KBTBD11: variants seen among roughly 807,000 people sequenced by gnomAD.
KBTBD11 encodes kelch repeat and BTB domain containing 11.
For synonymous variants in KBTBD11, 747 were observed against 499.0 expected, an observed-to-expected ratio of 1.50 and a Z score of -6.63; for missense variants, 1,390 against 1,001.8, an observed-to-expected ratio of 1.39 and a Z score of -5.23.
chr8:1,987,952 A>T (rs1816759244), intron 1 of KBTBD11, among the ~76,000 whole-genome samples: 1 of 151,868 alleles, frequency 6.6e-6, no homozygotes, highest in Non-Finnish European at 1.5e-5. Context: ...TTCATTGTTC[A>T]GTTCCCACCT....
At chr8:1,998,940 G>A (rs1817243491) in intron 1 of KBTBD11, among the ~76,000 whole-genome samples, 1 of 152,186 alleles carries the variant, frequency 6.6e-6, no homozygotes, top group Non-Finnish European at 1.5e-5. Context: ...CAGGATGGGG[G>A]CCTGGGGTGA....
chr8:1,999,880 G>A (rs974048646), intron 1 of KBTBD11, among the ~76,000 whole-genome samples: 4 of 152,190 alleles, frequency 2.6e-5, no homozygotes, highest in African/African-American at 9.7e-5. Context: ...ATCCAGTCAT[G>A]CTTTCTCACT....
intron 1 of KBTBD11, among the ~76,000 whole-genome samples, chr8:1,989,811 G>A (rs1453207329): frequency 6.6e-6 from 1 of 152,074 alleles, no homozygotes; most frequent in Non-Finnish European, 1.5e-5. Context: ...GACCACAGGG[G>A]CTGGAATCCA....
In KBTBD11 at chr8:1,993,556, C is replaced by CCCAT. The variant is rs1184041692; in HGVS notation, c.-908-6697_-908-6694dup. Among the ~76,000 whole-genome samples the CCCAT allele has an allele frequency of 5.0e-3, 367 of 73,528 alleles. 5 individuals are homozygous for CCCAT. The highest frequency in any genetic ancestry group is 0.019 in the South Asian group (27 of 1,424). The allele number at this position is 73,528 out of a possible 152,430, so 48.2% of individuals were successfully genotyped here. On this transcript the variant is annotated intron_variant, in intron 1 of 1. Coordinates refer to ENST00000320248, the MANE Select transcript of KBTBD11 (RefSeq NM_014867.3). ...ACCCACCCACCCACCCACCCACCCA[C>CCCAT]CCATCCATCCATCCATCCATCCATC...
chr8:2,001,351 C>T lies in KBTBD11; in HGVS notation c.159C>T (p.Ser53=). The stretch of plus-strand genomic sequence containing the variant: ...CCGGGGAAGAGTCCCCGCCGCAGTC[C>T]CTCGCCTCAGCGGCGGAAGGCGCGG... ...FSSGEESPPQ[S]LASAAEGAAT... is the part of the protein sequence containing the mutation. Residue 53 remains serine (S), a synonymous_variant, in exon 2 of 2, where the codon TCC becomes TCT. Transcript: ENST00000320248. 1.3e-6 allele frequency: 2 copies of T among 1,497,010 alleles called. No homozygotes were observed. The highest frequency in any genetic ancestry group is 1.8e-6 in the Non-Finnish European group (2 of 1,129,618). 92.7% of individuals were successfully genotyped at this position (1,497,010 alleles called of 1,614,324 possible). A position where few individuals can be genotyped will look rare whatever the true frequency, so the allele number is the denominator to read the frequency against.
chr8:1,985,111 C>T (rs906156615), intron 1 of KBTBD11, among the ~76,000 whole-genome samples: 1 of 152,184 alleles, frequency 6.6e-6, no homozygotes, highest in Non-Finnish European at 1.5e-5. Flanking sequence ...CTCCTGTTGC[C>T]GACAGCCAGT....
rs751996547 is a variant in KBTBD11, at chr8:2,004,095, A to G, written c.*1031A>G. On this transcript the variant is annotated 3_prime_UTR_variant, in exon 2 of 2. Coordinates refer to ENST00000320248, the MANE Select transcript of KBTBD11 (RefSeq NM_014867.3). ...CTGATGAGGGAGATTAATTTTTACA[A>G]TCAGTATTCTAAGTGTGGCCGAGTG... 6.0e-6 allele frequency: 1 copy of G among 166,936 alleles called. No individual in the cohort carries two copies. The highest frequency in any genetic ancestry group is 1.5e-5 in the Non-Finnish European group (1 of 68,128). The allele number at this position is 166,936 out of a possible 1,614,324, so 10.3% of individuals were successfully genotyped here.
At chr8:1,985,550 G>A (rs1049499375) in intron 1 of KBTBD11, among the ~76,000 whole-genome samples, 2 of 152,380 alleles carry the variant, frequency 1.3e-5, no homozygotes, top group South Asian at 4.1e-4. Context: ...TTACCAAGGT[G>A]GGATCCTTGT....
chr8:1,989,195 G>A (rs1287065034), intron 1 of KBTBD11, among the ~76,000 whole-genome samples: 1 of 152,176 alleles, frequency 6.6e-6, no homozygotes, highest in Non-Finnish European at 1.5e-5. Context: ...GGGCCACAGG[G>A]AAGGGCAGAT....
In KBTBD11 at chr8:2,006,131, A is replaced by G. The variant is rs922083673; in HGVS notation, c.*3067A>G. Reference sequence around the variant, plus strand: ...CTACTTAACTAAAACTCGTGACTGTATAAGTTTGGCTACAAATAAGTAAGA... The same window carrying G: ...CTACTTAACTAAAACTCGTGACTGTGTAAGTTTGGCTACAAATAAGTAAGA... On this transcript the variant is annotated 3_prime_UTR_variant, in exon 2 of 2. Transcript: ENST00000320248. The G allele has an allele frequency of 4.2e-5, 7 of 167,100 alleles. No homozygotes were observed. The East Asian group carries it at 9.6e-4, about 23-fold the overall frequency. The allele number at this position is 167,100 out of a possible 1,614,324, so 10.4% of individuals were successfully genotyped here.
Position 2,003,022 on chromosome 8 carries a change from C to G in KBTBD11, c.1830C>G (p.Ser610Arg), listed in dbSNP as rs541503848. 6 of 1,277,002 alleles carry G rather than the reference C, an allele frequency of 4.7e-6. No homozygotes were observed. In the South Asian group the frequency reaches 1.6e-4, roughly 33 times the overall value. 79.1% of individuals were successfully genotyped at this position (1,277,002 alleles called of 1,614,324 possible). Reference protein sequence around the residue: ...VRGVLIPFALSLPEKPPRGEQ... With the variant: ...VRGVLIPFALRLPEKPPRGEQ... ...GTGTGCTCATCCCGTTCGCTCTCAGCCTGCCTGAGAAGCCGCCCCGAGGGG... is the reference window on the plus strand; with the variant it reads ...GTGTGCTCATCCCGTTCGCTCTCAGGCTGCCTGAGAAGCCGCCCCGAGGGG... The change falls in exon 2 of 2, where the codon AGC becomes AGG. Residue 610 changes from serine to arginine, a missense_variant. Coordinates refer to ENST00000320248, the MANE Select transcript of KBTBD11 (RefSeq NM_014867.3).
Position 2,002,654 on chromosome 8 carries a change from A to G in KBTBD11, c.1462A>G (p.Ser488Gly). The G allele has an allele frequency of 6.3e-7, 1 of 1,576,410 alleles. No individual in the cohort carries two copies. The highest frequency in any genetic ancestry group is 1.1e-5 in the South Asian group (1 of 87,442). The change falls in exon 2 of 2, where the codon AGC becomes GGC. Residue 488 changes from serine to glycine, a missense_variant. Ser to Gly is a moderately conservative substitution (Grantham distance 56, BLOSUM62 0). Transcript: ENST00000320248. This position sits in a 1 kb window ranked among gnomAD's most constrained non-coding sequence, Gnocchi z 4.1. ...GTGGCAGGAGTGCCCGTGCAGCAGC[A>G]GCCGCGAGCGCTCGGCCGACATGGT... ...DEWQECPCSS[S>G]RERSADMVAL...
At chr8:1,994,010 G>C (rs1337498929) in intron 1 of KBTBD11, among the ~76,000 whole-genome samples, 3 of 151,614 alleles carry the variant, frequency 2.0e-5, no homozygotes, top group Non-Finnish European at 4.4e-5. Context: ...CCATGAGCTC[G>C]TGCAGTAGGA....
intron 1 of KBTBD11, among the ~76,000 whole-genome samples, chr8:1,995,356 G>A (rs970537002): frequency 1.3e-5 from 2 of 152,134 alleles, no homozygotes; most frequent in African/African-American, 4.8e-5. Context: ...GGACAGCACA[G>A]AACCTTGCTT....
chr8:2,002,146 C>A lies in KBTBD11; in HGVS notation c.954C>A (p.Asp318Glu). ...GCCGGCCTCAGAGCCCCTCGGGGGA[C>A]GCGGACGCGCGCGGGGACGCGGCCG... ...AGSRPQSPSG[D>E]ADARGDAAVY... Residue 318 changes from aspartate to glutamate, a missense_variant, in exon 2 of 2, where the codon GAC (aspartate) becomes GAA (glutamate). By Grantham distance (45) the Asp-to-Glu change is conservative (BLOSUM62 2). Coordinates refer to ENST00000320248, the MANE Select transcript of KBTBD11 (RefSeq NM_014867.3). The surrounding 1 kb of genome is among the most constrained non-coding windows in gnomAD (Gnocchi z 4.1). 8.5e-7 allele frequency: 1 copy of A among 1,174,638 alleles called. No homozygotes were observed. The allele number at this position is 1,174,638 out of a possible 1,614,324, so 72.8% of individuals were successfully genotyped here.
Position 2,001,632 on chromosome 8 carries a change from C to A in KBTBD11, c.440C>A (p.Ser147Ter), listed in dbSNP as rs955676361. ...GAGCCGGACCTGGTGCTGGAGGTGT[C>A]GGGGCGCCGGCTGCGCGCGCACAAG... ...YGEPDLVLEV[S>*]GRRLRAHKAV... The change falls in exon 2 of 2, where the codon TCG (serine) becomes TAG (stop). Residue 147 changes from serine (S) to a stop codon, truncating the protein, a stop_gained. Transcript: ENST00000320248. LOFTEE classifies it low-confidence loss of function (END_TRUNC). 1.4e-6 allele frequency: 2 copies of A among 1,478,864 alleles called. No individual in the cohort carries two copies. Among genetic ancestry groups the A allele is most frequent in the Non-Finnish European group, 1.8e-6 (2 of 1,120,316 alleles). 91.6% of individuals were successfully genotyped at this position (1,478,864 alleles called of 1,614,324 possible). A position where few individuals can be genotyped will look rare whatever the true frequency, so the allele number is the denominator to read the frequency against.
intron 1 of KBTBD11, among the ~76,000 whole-genome samples, chr8:1,983,432 G>A (rs1400044691): frequency 2.0e-5 from 3 of 152,196 alleles, no homozygotes; most frequent in Admixed American, 6.5e-5. Flanking sequence ...CCACCGCTCC[G>A]TGACCTGACC....
In KBTBD11 at chr8:2,001,959, A is replaced by G. The variant is rs1369206757; in HGVS notation, c.767A>G (p.Tyr256Cys). 2.0e-6 allele frequency: 3 copies of G among 1,473,522 alleles called. No homozygotes were observed. Among genetic ancestry groups the G allele is most frequent in the East Asian group, 3.0e-5 (1 of 33,366 alleles). The allele number at this position is 1,473,522 out of a possible 1,614,324, so 91.3% of individuals were successfully genotyped here. A position where few individuals can be genotyped will look rare whatever the true frequency, so the allele number is the denominator to read the frequency against. Reference protein sequence around the residue: ...QRLNELRDAAYCFMSDHYLEV... With the variant: ...QRLNELRDAACCFMSDHYLEV... ...CTGAACGAGCTGCGCGACGCCGCCT[A>G]CTGCTTCATGAGCGACCACTATCTG... Residue 256 changes from tyrosine (Y) to cysteine (C), a missense_variant, in exon 2 of 2, where the codon TAC (tyrosine) becomes TGC (cysteine). By Grantham distance (194) the Tyr-to-Cys change is radical. Coordinates refer to ENST00000320248, the MANE Select transcript of KBTBD11 (RefSeq NM_014867.3).
intron 1 of KBTBD11, among the ~76,000 whole-genome samples, chr8:1,993,109 AT>A (rs890769596): frequency 6.0e-5 from 9 of 151,242 alleles, no homozygotes; most frequent in South Asian, 2.1e-4. Context: ...CTCTCAGCTA[AT>A]TTTTTTTTGT....
Sources: allele counts gnomAD v4.1 joint callset (sites outside exome capture counted in the v4.1 genomes callset), GRCh38; gene constraint gnomAD v4.1.1; non-coding constraint Gnocchi (gnomAD v3.1); transcripts MANE v1.5; gene names NCBI Gene and HGNC (gene_info 2026-07-23, HGNC 2026-07-21).